MALRD1: variants seen among roughly 807,000 people sequenced by gnomAD.
The protein encoded by MALRD1 is MAM and LDL receptor class A domain containing 1.
In MALRD1, 247 loss-of-function variants were observed where a neutral mutation model predicts 242.1. The ratio of observed to expected loss-of-function variants is 1.02; its 90% confidence interval spans 0.92 to 1.13. MALRD1 has a LOEUF of 1.13. MALRD1 is among the 50% of genes most tolerant of loss of function. MALRD1 has a pLI of 0.00. For synonymous variants in MALRD1, 995 were observed against 866.6 expected (o/e 1.15, Z -2.60); for missense variants, 2,989 against 2,533.1 (o/e 1.18, Z -3.86).
intron 32 of MALRD1, among the ~76,000 whole-genome samples, chr10:19,553,212 C>T (rs1309707638): frequency 1.3e-5 from 2 of 151,960 alleles, no homozygotes; most frequent in African/African-American, 4.8e-5. Flanking sequence ...AAAAAATAAA[C>T]AATTGGGCTC....
At chr10:19,069,019 C>A (rs555475627) in intron 2 of MALRD1, among the ~76,000 whole-genome samples, 3 of 152,082 alleles carry the variant, frequency 2.0e-5, no homozygotes, top group African/African-American at 7.2e-5. Context: ...TCAAATACAT[C>A]TTTGTAAGGA....
intron 8 of MALRD1, among the ~76,000 whole-genome samples, chr10:19,129,531 A>G (rs993615113): frequency 6.6e-6 from 1 of 151,940 alleles, no homozygotes; most frequent in Non-Finnish European, 1.5e-5. Flanking sequence ...ATGATCATTT[A>G]TTAGCTCAAT....
intron 28 of MALRD1, among the ~76,000 whole-genome samples, chr10:19,414,423 T>C (rs1311724547): frequency 1.3e-5 from 2 of 152,220 alleles, no homozygotes; most frequent in African/African-American, 2.4e-5. Context: ...ATAAAGATCC[T>C]AAGTTTTTTA....
chr10:19,080,463 C>CACATCTA (rs1224349962), intron 2 of MALRD1, among the ~76,000 whole-genome samples: 2 of 151,614 alleles, frequency 1.3e-5, no homozygotes, highest in Non-Finnish European at 2.9e-5. Context: ...AATTAAGACC[C>CACATCTA]CACATCTACA....
chr10:19,156,049 T>A (rs976494202), intron 12 of MALRD1, among the ~76,000 whole-genome samples: 1 of 152,168 alleles, frequency 6.6e-6, no homozygotes, highest in African/African-American at 2.4e-5. Context: ...TTCAGCTAAT[T>A]TTTCGTCTTT....
rs757307440 is a variant in MALRD1, at chr10:19,562,538, T to C, written c.5479-4964T>C. Among the ~76,000 whole-genome samples the C allele has an allele frequency of 9.9e-5, 15 of 152,176 alleles. 1 individual carries two copies. The highest frequency in any genetic ancestry group is 9.2e-4 in the Admixed American group (14 of 15,284). On this transcript the variant is annotated intron_variant, in intron 32 of 39. Transcript: ENST00000454679. ...GATTTTCTACCCTTGTCTTAGTTCCTGCAGGAGTACCTTTCCCTGGTCTTC... is the reference window on the plus strand; with the variant it reads ...GATTTTCTACCCTTGTCTTAGTTCCCGCAGGAGTACCTTTCCCTGGTCTTC...
At chr10:19,243,306 T>G (rs1026443147) in intron 18 of MALRD1, among the ~76,000 whole-genome samples, 1 of 152,242 alleles carries the variant, frequency 6.6e-6, no homozygotes, top group Admixed American at 6.5e-5. Context: ...ACTAAATCAA[T>G]TATTTAATGG....
At chr10:19,359,000 GAAGA>G (rs1460503513) in intron 26 of MALRD1, among the ~76,000 whole-genome samples, 1 of 152,118 alleles carries the variant, frequency 6.6e-6, no homozygotes, top group East Asian at 1.9e-4. Context: ...AAGAAATGGA[GAAGA>G]AAGAACAGTC....
intron 38 of MALRD1, among the ~76,000 whole-genome samples, chr10:19,719,244 A>ATACATACATACATATATATATATG (rs1834622659): frequency 2.1e-5 from 2 of 96,932 alleles, no homozygotes; most frequent in Non-Finnish European, 3.9e-5. Flanking sequence ...ATATATATAT[A>ATACATACATACATATATATATATG]TATATATATA....
chr10:19,210,666 G>C (rs1465958704), intron 18 of MALRD1, among the ~76,000 whole-genome samples: 1 of 151,076 alleles, frequency 6.6e-6, no homozygotes. Context: ...TAACAGTTTT[G>C]TAACCAAAAA....
chr10:19,124,365 C>T (rs1028834729), intron 6 of MALRD1, among the ~76,000 whole-genome samples, 159 bp from the exon 7 acceptor site: 5 of 152,144 alleles, frequency 3.3e-5, no homozygotes, highest in Admixed American at 2.6e-4. Flanking sequence ...GTTGCTGGTA[C>T]ACTCGAAGGC....
At chr10:19,454,703 C>T (rs968072615) in intron 29 of MALRD1, among the ~76,000 whole-genome samples, 13 of 121,876 alleles carry the variant, frequency 1.1e-4, no homozygotes, top group Non-Finnish European at 1.7e-4. Context: ...GAGGACTGTC[C>T]GTGCACACGT....
chr10:19,179,703 T>C (rs921678823), intron 14 of MALRD1, among the ~76,000 whole-genome samples: 6 of 152,336 alleles, frequency 3.9e-5, no homozygotes, highest in African/African-American at 1.2e-4. Context: ...AAATTATTTT[T>C]AACATCATAA....
At chr10:19,344,104 G>T (rs531105226) in intron 24 of MALRD1, among the ~76,000 whole-genome samples, 3 of 152,082 alleles carry the variant, frequency 2.0e-5, no homozygotes, top group South Asian at 2.1e-4. Context: ...CCCGGCTTTG[G>T]GTTGTCTTTT....
intron 21 of MALRD1, among the ~76,000 whole-genome samples, chr10:19,294,581 C>G (rs1453155790): frequency 1.3e-5 from 2 of 152,116 alleles, no homozygotes; most frequent in Admixed American, 1.3e-4. Context: ...TAAAACCCAG[C>G]AGAAAGTTTT....
chr10:19,652,588 G>A (rs925075537), intron 36 of MALRD1, among the ~76,000 whole-genome samples: 1 of 152,144 alleles, frequency 6.6e-6, no homozygotes, highest in African/African-American at 2.4e-5. Flanking sequence ...CCAAGTGTGG[G>A]TCAGTACTGA....
rs574370890 is a variant in MALRD1, at chr10:19,440,982, T to TC, written c.4846-9324dup. Among the ~76,000 whole-genome samples, 147 of 151,974 alleles carry TC rather than the reference T, an allele frequency of 9.7e-4. 1 individual carries two copies. Among genetic ancestry groups the TC allele is most frequent in the East Asian group, 8.5e-3 (44 of 5,168 alleles). On this transcript the variant is annotated intron_variant, in intron 28 of 39. Transcript: ENST00000454679. ...CCAACAGTGTAAAAGTGTTCCTTTT[T>TC]CTCTAGATCCTCTCCAGCACCTGTT...
chr10:19,309,514 G>A (rs528167695), intron 21 of MALRD1, among the ~76,000 whole-genome samples: 11 of 151,576 alleles, frequency 7.3e-5, no homozygotes, highest in East Asian at 3.9e-4. Context: ...AACAGGCACC[G>A]TTCCAGGTGC....
chr10:19,278,355 T>C (rs1447283549), intron 19 of MALRD1, among the ~76,000 whole-genome samples: 4 of 152,168 alleles, frequency 2.6e-5, no homozygotes, highest in Non-Finnish European at 5.9e-5. Flanking sequence ...CCATCTGATA[T>C]ATGGTTTTCC....
Sources: gnomAD v4.1 joint callset for allele counts (sites outside exome capture counted in the v4.1 genomes callset) on GRCh38, gnomAD v4.1.1 for gene constraint, MANE v1.5 for transcripts, NCBI Gene and HGNC (gene_info 2026-07-23, HGNC 2026-07-21) for gene names.